Variants in KCNIP4 observed in about 807,000 individuals in gnomAD.
The protein encoded by KCNIP4 is Kv channel-interacting protein 4.
KCNIP4 carries 12 observed loss-of-function variants against 34.0 expected under a neutral mutation model. That is an observed-to-expected ratio of 0.35 (90% confidence interval 0.23 to 0.57). The LOEUF (loss-of-function observed/expected upper bound fraction) is 0.57. Ranked by LOEUF, KCNIP4 falls within the 20% of genes least tolerant of loss-of-function variation. The pLI, the probability that KCNIP4 is intolerant of heterozygous loss-of-function variation, is 0.83. For synonymous variants in KCNIP4, 124 were observed against 102.2 expected (o/e 1.21, Z -1.29); for missense variants, 238 against 311.7 (o/e 0.76, Z 1.78).
At chr4:21,011,790 T>A (rs1023948553) in intron 1 of KCNIP4, among the ~76,000 whole-genome samples, 5 of 152,226 alleles carry the variant, frequency 3.3e-5, no homozygotes, top group African/African-American at 9.6e-5. Context: ...AAAGTGGCTT[T>A]CAGAAAGTCT....
intron 1 of KCNIP4, among the ~76,000 whole-genome samples, chr4:21,023,852 A>C (rs1013289743): frequency 2.6e-5 from 4 of 152,170 alleles, no homozygotes; most frequent in Admixed American, 6.5e-5. Flanking sequence ...ACTGCACTCC[A>C]GCCTGGGCAA....
chr4:21,616,389 T>C (rs112140395), intron 1 of KCNIP4, among the ~76,000 whole-genome samples: 31 of 151,960 alleles, frequency 2.0e-4, no homozygotes, highest in African/African-American at 7.0e-4. Context: ...TGCTCTTCCC[T>C]CTTGAGAATG....
intron 1 of KCNIP4, among the ~76,000 whole-genome samples, chr4:21,180,364 G>A (rs1298506868): frequency 3.3e-5 from 5 of 151,988 alleles, no homozygotes; most frequent in Non-Finnish European, 5.9e-5. Context: ...TTGATTTATA[G>A]TAATAACATA....
chr4:21,773,407 A>G (rs529441499), intron 1 of KCNIP4, among the ~76,000 whole-genome samples: 3 of 152,168 alleles, frequency 2.0e-5, no homozygotes, highest in Non-Finnish European at 4.4e-5. Flanking sequence ...TTTTGGGTAG[A>G]TAATTCTGTA....
chr4:21,930,721 T>A (rs1041038777), intron 1 of KCNIP4, among the ~76,000 whole-genome samples: 4 of 152,114 alleles, frequency 2.6e-5, no homozygotes. Flanking sequence ...CCCTTTGGGA[T>A]GTCATTTCCT....
intron 1 of KCNIP4, among the ~76,000 whole-genome samples, chr4:21,480,888 C>A (rs1731369620): frequency 6.6e-6 from 1 of 152,090 alleles, no homozygotes; most frequent in Non-Finnish European, 1.5e-5. Context: ...CAGTGCCAAA[C>A]AAAATCCCAA....
chr4:21,174,988 T>C (rs1398445721), intron 1 of KCNIP4, among the ~76,000 whole-genome samples: 1 of 145,298 alleles, frequency 6.9e-6, no homozygotes, highest in Non-Finnish European at 1.5e-5. Flanking sequence ...ATTTTGTTAC[T>C]TTTTTTTACA....
At chr4:21,602,774 G>C (rs1313751088) in intron 1 of KCNIP4, among the ~76,000 whole-genome samples, 2 of 152,088 alleles carry the variant, frequency 1.3e-5, no homozygotes, top group African/African-American at 4.8e-5. Context: ...GATAGGTTCA[G>C]AATAAAGAAG....
intron 1 of KCNIP4, among the ~76,000 whole-genome samples, chr4:21,740,859 G>C (rs1394749136): frequency 6.6e-6 from 1 of 152,102 alleles, no homozygotes; most frequent in Admixed American, 6.6e-5. Context: ...CAATGTCACA[G>C]GTTCACAGAT....
At chr4:21,260,617 C>A (rs1198214847) in intron 1 of KCNIP4, among the ~76,000 whole-genome samples, 1 of 152,146 alleles carries the variant, frequency 6.6e-6, no homozygotes, top group Non-Finnish European at 1.5e-5. Flanking sequence ...TAAGACTAGT[C>A]ACAAACATGC....
In KCNIP4 at chr4:21,566,680, T is replaced by A. The variant is rs1021994478; in HGVS notation, c.61+381891A>T. ...ATGTGAGAACAGACTAATACACTTA[T>A]ACAAGGCAGTAGAGGTAGAAAGGAA... On this transcript the variant is annotated intron_variant, in intron 1 of 8. Coordinates refer to ENST00000382152, the MANE Select transcript of KCNIP4 (RefSeq NM_025221.6). Among the ~76,000 whole-genome samples, 33 of 152,110 alleles carry A rather than the reference T, an allele frequency of 2.2e-4. 1 individual carries two copies. The highest frequency in any genetic ancestry group is 1.5e-5 in the Non-Finnish European group (1 of 68,028).
chr4:20,935,619 C>T (rs183999733), intron 1 of KCNIP4, among the ~76,000 whole-genome samples: 2 of 152,302 alleles, frequency 1.3e-5, no homozygotes, highest in Admixed American at 1.3e-4. Flanking sequence ...CATGTCACCT[C>T]TTTGTAAAAT....
chr4:21,902,337 TA>T (rs1578127486), intron 1 of KCNIP4, among the ~76,000 whole-genome samples: 1 of 152,156 alleles, frequency 6.6e-6, no homozygotes, highest in Non-Finnish European at 1.5e-5. Context: ...AGAAGTGAAT[TA>T]AATATTTGAA....
chr4:21,368,776 G>A lies in KCNIP4; in HGVS notation c.62-486067C>T, dbSNP rs201995985. ...TCACCCTTTCCTTGAGGAGTTTTAA[G>A]TTGAATAAAAAATAATGGATATAAT... On this transcript the variant is annotated intron_variant, in intron 1 of 8. Transcript: ENST00000382152. Among the ~76,000 whole-genome samples, 10 of 147,556 alleles carry A rather than the reference G, an allele frequency of 6.8e-5. 1 individual carries two copies. In the East Asian group the frequency reaches 2.0e-3, roughly 29 times the overall value.
chr4:21,130,727 A>C (rs1751003760), intron 1 of KCNIP4, among the ~76,000 whole-genome samples: 1 of 152,222 alleles, frequency 6.6e-6, no homozygotes, highest in African/African-American at 2.4e-5. Flanking sequence ...TATAACTCTG[A>C]TGCTATGTTG....
chr4:21,088,550 C>T (rs1449340161), intron 1 of KCNIP4, among the ~76,000 whole-genome samples: 1 of 152,112 alleles, frequency 6.6e-6, no homozygotes, highest in Admixed American at 6.5e-5. Context: ...TGAGATAAGA[C>T]CCAGCAATAT....
chr4:20,792,309 G>T (rs184272292), intron 3 of KCNIP4, among the ~76,000 whole-genome samples: 245 of 152,084 alleles, frequency 1.6e-3, no homozygotes, highest in Admixed American at 3.9e-3. Context: ...GGGGGCAGAG[G>T]TTGCAGTGAA....
Position 21,499,667 on chromosome 4 carries a change from T to A in KCNIP4, c.61+448904A>T, listed in dbSNP as rs1033433979. Among the ~76,000 whole-genome samples the A allele has an allele frequency of 2.6e-5, 4 of 152,160 alleles. No homozygotes were observed. The South Asian group carries it at 8.3e-4, about 32-fold the overall frequency. ...TTTGGATGTCATGTAAGAAGTCTTATATATTTTAGTATATAGAAGGATTCT... is the reference window on the plus strand; with the variant it reads ...TTTGGATGTCATGTAAGAAGTCTTAAATATTTTAGTATATAGAAGGATTCT... On this transcript the variant is annotated intron_variant, in intron 1 of 8. Coordinates refer to ENST00000382152, the MANE Select transcript of KCNIP4 (RefSeq NM_025221.6).
intron 1 of KCNIP4, among the ~76,000 whole-genome samples, chr4:20,964,597 A>G (rs1181918429): frequency 6.6e-6 from 1 of 152,170 alleles, no homozygotes; most frequent in Non-Finnish European, 1.5e-5. Context: ...CTCAGGGTTA[A>G]GCTTCTGTCA....
Sources: allele counts gnomAD v4.1 joint callset (sites outside exome capture counted in the v4.1 genomes callset), GRCh38; gene constraint gnomAD v4.1.1; transcripts MANE v1.5; gene names NCBI Gene and HGNC (gene_info 2026-07-23, HGNC 2026-07-21).